The following BCKDHB variants were observed in gnomAD, a reference collection of about 807,000 sequenced individuals.
BCKDHB encodes the protein branched chain keto acid dehydrogenase E1 subunit beta.
In BCKDHB, 41 loss-of-function variants were observed where a neutral mutation model predicts 48.5. The ratio of observed to expected loss-of-function variants is 0.85; its 90% CI spans 0.66 to 1.10. The LOEUF is 1.10. Ranked by LOEUF, BCKDHB falls within the 50% of genes least tolerant of loss-of-function variation. BCKDHB has a pLI of 0.00. For missense variants in BCKDHB, 496 were observed against 494.2 expected (o/e 1.00, Z -0.03); for synonymous variants, 201 against 174.8 (o/e 1.15, Z -1.18).
chr6:80,270,640 A>G (rs1777697812), intron 8 of BCKDHB, among the ~76,000 whole-genome samples: 1 of 152,180 alleles, frequency 6.6e-6, no homozygotes, highest in Admixed American at 6.5e-5. Context: ...ATGCACATAC[A>G]GAGGTGTTGA....
At chr6:80,240,818 T>C (rs1776352536) in intron 8 of BCKDHB, among the ~76,000 whole-genome samples, 1 of 152,146 alleles carries the variant, frequency 6.6e-6, no homozygotes, top group South Asian at 2.1e-4. Flanking sequence ...TTGGGGAAGT[T>C]CTCCTGGATA....
intron 8 of BCKDHB, among the ~76,000 whole-genome samples, chr6:80,254,292 T>A (rs1440988485): frequency 6.6e-6 from 1 of 152,154 alleles, no homozygotes; most frequent in Non-Finnish European, 1.5e-5. Context: ...CATAGTTTTT[T>A]AATAAGATTG....
the BCKDHB span, among the ~76,000 whole-genome samples, chr6:80,462,581 C>T: frequency 6.6e-6 from 1 of 152,180 alleles, no homozygotes; most frequent in Non-Finnish European, 1.5e-5. Flanking sequence ...CCTGAAAGCA[C>T]ATAGCCAGTG....
At chr6:80,364,331 AGAGGCCTGCAGG>A in the BCKDHB span, among the ~76,000 whole-genome samples, 1 of 152,180 alleles carries the variant, frequency 6.6e-6, no homozygotes, top group South Asian at 2.1e-4. Flanking sequence ...CTGGCAGCCA[AGAGGCCTGCAGG>A]GAGGCACAAA....
chr6:80,200,274 T>C (rs1774328083), intron 6 of BCKDHB, among the ~76,000 whole-genome samples: 1 of 152,144 alleles, frequency 6.6e-6, no homozygotes, highest in Non-Finnish European at 1.5e-5. Flanking sequence ...TTGGTAGAGC[T>C]GATTTAGTTT....
At chr6:80,453,723 A>G in the BCKDHB span, among the ~76,000 whole-genome samples, 2 of 151,948 alleles carry the variant, frequency 1.3e-5, no homozygotes, top group Admixed American at 6.6e-5. Context: ...GCGATGGGGG[A>G]ATCCTGTGAA....
At chr6:80,122,503 AAG>A (rs2127720127) in intron 1 of BCKDHB, among the ~76,000 whole-genome samples, 1 of 152,314 alleles carries the variant, frequency 6.6e-6, no homozygotes, top group Non-Finnish European at 1.5e-5. Context: ...AATAAAGAGA[AAG>A]AGTACAAAGT....
At chr6:80,333,489 C>T (rs1361532569) in intron 9 of BCKDHB, among the ~76,000 whole-genome samples, 1 of 152,168 alleles carries the variant, frequency 6.6e-6, no homozygotes, top group Non-Finnish European at 1.5e-5. Context: ...TGGGCAAATA[C>T]ATTTTTTTTC....
chr6:80,457,488 A>T, the BCKDHB span, among the ~76,000 whole-genome samples: 1 of 151,800 alleles, frequency 6.6e-6, no homozygotes, highest in Non-Finnish European at 1.5e-5. Flanking sequence ...ATTGGCACAC[A>T]CTCCCTCCTG....
intron 3 of BCKDHB, among the ~76,000 whole-genome samples, chr6:80,145,379 A>C (rs1334945744): frequency 6.6e-6 from 1 of 152,184 alleles, no homozygotes; most frequent in Non-Finnish European, 1.5e-5. Flanking sequence ...CTTTGCTAAC[A>C]TTGTGGTATC....
At chr6:80,394,798 C>T in the BCKDHB span, among the ~76,000 whole-genome samples, 3 of 152,146 alleles carry the variant, frequency 2.0e-5, no homozygotes, top group Admixed American at 2.0e-4. Context: ...AAAATCTCAT[C>T]TTGTATTGTA....
chr6:80,244,215 C>A (rs1776510922), intron 8 of BCKDHB, among the ~76,000 whole-genome samples: 1 of 152,102 alleles, frequency 6.6e-6, no homozygotes, highest in African/African-American at 2.4e-5. Flanking sequence ...GATGGAAGGG[C>A]ACAGTCTGGG....
At chr6:80,360,831 C>T in the BCKDHB span, among the ~76,000 whole-genome samples, 1 of 151,576 alleles carries the variant, frequency 6.6e-6, no homozygotes, top group African/African-American at 2.4e-5. Context: ...TATGGTGAAA[C>T]CCGTCTCTAC....
At chr6:80,435,183 C>T in the BCKDHB span, among the ~76,000 whole-genome samples, 2 of 152,206 alleles carry the variant, frequency 1.3e-5, no homozygotes, top group Non-Finnish European at 2.9e-5. Context: ...TGTCTGTTAG[C>T]CAATGTCTTA....
intron 8 of BCKDHB, among the ~76,000 whole-genome samples, chr6:80,219,249 G>A (rs1015755104): frequency 2.0e-5 from 3 of 147,930 alleles, no homozygotes; most frequent in African/African-American, 7.5e-5. Flanking sequence ...CTCTTGTCAC[G>A]CAGGCTGGAG....
At chr6:80,245,254 T>G (rs1455931575) in intron 8 of BCKDHB, among the ~76,000 whole-genome samples, 1 of 152,116 alleles carries the variant, frequency 6.6e-6, no homozygotes, top group Admixed American at 6.5e-5. Flanking sequence ...TTCAGTAGTA[T>G]TTTCTGATAA....
At chr6:80,148,053 G>T (rs1350503585) in intron 3 of BCKDHB, among the ~76,000 whole-genome samples, 1 of 152,128 alleles carries the variant, frequency 6.6e-6, no homozygotes, top group African/African-American at 2.4e-5. Flanking sequence ...AGTAGGGTCA[G>T]ACATAGATTA....
chr6:80,354,439 G>T, the BCKDHB span, among the ~76,000 whole-genome samples: 2 of 152,108 alleles, frequency 1.3e-5, no homozygotes, highest in African/African-American at 4.8e-5. Flanking sequence ...GTGTTGCCCA[G>T]GCTGGTCTTG....
At chr6:80,415,363 A>C in the BCKDHB span, among the ~76,000 whole-genome samples, 1 of 152,058 alleles carries the variant, frequency 6.6e-6, no homozygotes. Context: ...TTTTCAAGGG[A>C]AATGCTTCCA....
Sources: gnomAD v4.1 joint callset for allele counts (sites outside exome capture counted in the v4.1 genomes callset) on GRCh38, gnomAD v4.1.1 for gene constraint, MANE v1.5 for transcripts, NCBI Gene and HGNC (gene_info 2026-07-23, HGNC 2026-07-21) for gene names.